Variants in NDUFS4 observed in about 807,000 individuals in gnomAD.
NDUFS4 encodes NADH:ubiquinone oxidoreductase subunit S4.
In NDUFS4, 28 loss-of-function variants were observed where a neutral mutation model predicts 24.3. That is an observed-to-expected ratio of 1.15 (90% CI 0.85 to 1.58). NDUFS4 has a LOEUF of 1.58. Among genes scored for constraint, NDUFS4 ranks in the 40% most tolerant of loss-of-function variants. The pLI, the probability that NDUFS4 is intolerant of heterozygous loss-of-function variation, is 0.00. For missense variants in NDUFS4, 223 were observed against 207.9 expected (o/e 1.07, Z -0.45); for synonymous variants, 93 against 69.7 (o/e 1.34, Z -1.67).
At chr5:53,675,529 C>CGTGT (rs145475920) in intron 4 of NDUFS4, among the ~76,000 whole-genome samples, 2,005 of 152,066 alleles carry the variant, frequency 0.013, 39 homozygotes, top group African/African-American at 0.046. Context: ...CTTATCTACA[C>CGTGT]GCACAATAAG....
chr5:53,572,964 T>TG (rs1192049503), intron 1 of NDUFS4, among the ~76,000 whole-genome samples: 2 of 94,698 alleles, frequency 2.1e-5, no homozygotes, highest in African/African-American at 1.1e-4. Flanking sequence ...TTTGTTTTTT[T>TG]TTTTTGTTTT....
At position 53,603,515 on chromosome 5, in the gene NDUFS4, A is replaced by G. The variant is rs368854518; in HGVS notation, c.162A>G (p.Thr54=). ...QDQTQDTQLI[T]VDEKLDITTL... Reference sequence around the variant, plus strand: ...AGACTCAAGACACACAACTCATAACAGTTGATGAAAAATTGGTAAGGATTT... The same window carrying G: ...AGACTCAAGACACACAACTCATAACGGTTGATGAAAAATTGGTAAGGATTT... The change falls in exon 2 of 5, where the codon ACA becomes ACG. Residue 54 remains threonine (T), a synonymous_variant. Transcript: ENST00000296684. 26 of 1,613,746 alleles carry G rather than the reference A, an allele frequency of 1.6e-5. No individual in the cohort carries two copies. Among genetic ancestry groups the G allele is most frequent in the Non-Finnish European group, 2.1e-5 (25 of 1,179,888 alleles).
intron 2 of NDUFS4, among the ~76,000 whole-genome samples, chr5:53,617,031 C>T (rs1750861628): frequency 6.6e-6 from 1 of 152,120 alleles, no homozygotes; most frequent in African/African-American, 2.4e-5. Context: ...TTCTCCATAG[C>T]CCTTCTTTCT....
At chr5:53,645,892 C>T (rs187401036) in intron 2 of NDUFS4, among the ~76,000 whole-genome samples, 213 of 152,166 alleles carry the variant, frequency 1.4e-3, no homozygotes, top group African/African-American at 4.9e-3. Context: ...CTGACTAGTT[C>T]GCACTTGCTC....
chr5:53,629,310 A>G (rs944076107), intron 2 of NDUFS4, among the ~76,000 whole-genome samples: 1 of 152,152 alleles, frequency 6.6e-6, no homozygotes, highest in African/African-American at 2.4e-5. Flanking sequence ...TATGTGGTCA[A>G]TTTTAGAATA....
chr5:53,652,905 A>G (rs1752057290), intron 3 of NDUFS4, among the ~76,000 whole-genome samples: 1 of 151,604 alleles, frequency 6.6e-6, no homozygotes, highest in African/African-American at 2.4e-5. Context: ...ATATTGTAGC[A>G]AGTTGCCAAA....
At chr5:53,615,010 T>C (rs977705014) in intron 2 of NDUFS4, among the ~76,000 whole-genome samples, 2 of 151,942 alleles carry the variant, frequency 1.3e-5, no homozygotes, top group African/African-American at 4.8e-5. Flanking sequence ...ATTGCTTATC[T>C]AATTTTTTTC....
chr5:53,597,146 C>G (rs1750156721), intron 1 of NDUFS4, among the ~76,000 whole-genome samples: 1 of 152,122 alleles, frequency 6.6e-6, no homozygotes, highest in South Asian at 2.1e-4. Context: ...ACATGGCTGG[C>G]AAAGTGCTAT....
At chr5:53,670,748 A>G (rs971235518) in intron 4 of NDUFS4, among the ~76,000 whole-genome samples, 2 of 151,590 alleles carry the variant, frequency 1.3e-5, no homozygotes, top group East Asian at 1.9e-4. Flanking sequence ...ATACAGTTCT[A>G]TTCTTCAGGT....
chr5:53,567,357 C>G (rs773119838), intron 1 of NDUFS4, among the ~76,000 whole-genome samples: 1 of 152,086 alleles, frequency 6.6e-6, no homozygotes, highest in Non-Finnish European at 1.5e-5. Context: ...TTTGAGAGAC[C>G]ATGGAATGCT....
intron 3 of NDUFS4, among the ~76,000 whole-genome samples, chr5:53,656,071 G>T (rs1752154416): frequency 6.6e-6 from 1 of 152,014 alleles, no homozygotes; most frequent in Admixed American, 6.6e-5. Flanking sequence ...CTTGCACTGA[G>T]ATTACGGCTT....
intron 1 of NDUFS4, among the ~76,000 whole-genome samples, chr5:53,594,479 T>G (rs1266299944): frequency 6.6e-6 from 1 of 152,100 alleles, no homozygotes; most frequent in Admixed American, 6.5e-5. Flanking sequence ...TTTAATCTAC[T>G]CCGATAACTC....
intron 2 of NDUFS4, among the ~76,000 whole-genome samples, chr5:53,619,534 A>G (rs1750965574): frequency 6.6e-6 from 1 of 151,280 alleles, no homozygotes. Context: ...AAATATATCA[A>G]ATTTTACTAC....
intron 1 of NDUFS4, among the ~76,000 whole-genome samples, chr5:53,588,479 A>C (rs891922125): frequency 6.6e-6 from 1 of 152,168 alleles, no homozygotes; most frequent in African/African-American, 2.4e-5. Context: ...GTTGTGAAAT[A>C]ATTTGTTCAA....
chr5:53,659,776 TTTTC>T (rs1324077794), intron 4 of NDUFS4, among the ~76,000 whole-genome samples: 3 of 152,150 alleles, frequency 2.0e-5, no homozygotes, highest in Non-Finnish European at 4.4e-5. Context: ...ACATATTTGC[TTTTC>T]TTTTTCACCT....
intron 1 of NDUFS4, among the ~76,000 whole-genome samples, chr5:53,598,995 A>G (rs1750220762): frequency 6.6e-6 from 1 of 152,202 alleles, no homozygotes; most frequent in Admixed American, 6.5e-5. Context: ...ATGGACAAAA[A>G]TAAAGGCAAA....
At chr5:53,590,471 G>A (rs1486498788) in intron 1 of NDUFS4, among the ~76,000 whole-genome samples, 5 of 152,132 alleles carry the variant, frequency 3.3e-5, no homozygotes, top group Non-Finnish European at 7.3e-5. Context: ...TGTTACATAG[G>A]CAAGCACTAG....
chr5:53,650,975 A>T (rs891209475), intron 3 of NDUFS4, among the ~76,000 whole-genome samples: 2 of 152,220 alleles, frequency 1.3e-5, no homozygotes, highest in Non-Finnish European at 2.9e-5. Flanking sequence ...TTTATTACAT[A>T]TTGATTGAAA....
At chr5:53,623,591 C>A (rs1244691164) in intron 2 of NDUFS4, among the ~76,000 whole-genome samples, 2 of 152,072 alleles carry the variant, frequency 1.3e-5, no homozygotes, top group Non-Finnish European at 2.9e-5. Context: ...TTTTTTGTTG[C>A]ATGTGCTTTT....
Sources: allele counts gnomAD v4.1 joint callset (sites outside exome capture counted in the v4.1 genomes callset), GRCh38; gene constraint gnomAD v4.1.1; transcripts MANE v1.5; gene names NCBI Gene and HGNC (gene_info 2026-07-23, HGNC 2026-07-21).